The following FBLN1 variants were observed in gnomAD, a reference collection of about 807,000 sequenced individuals.
FBLN1 encodes the protein fibulin 1.
In FBLN1, 34 loss-of-function variants were observed where a neutral mutation model predicts 89.7. The observed-to-expected ratio is 0.38, with a 90% CI of 0.29 to 0.50. The LOEUF (loss-of-function observed/expected upper bound fraction) is 0.50. Among genes scored for constraint, FBLN1 ranks in the 20% least tolerant of loss-of-function variants. The probability of loss-of-function intolerance (pLI) is 0.92; values close to 1 mark genes in which losing one functional copy is unlikely to be tolerated. For synonymous variants in FBLN1, 393 were observed against 391.3 expected (o/e 1.00, Z -0.05); for missense variants, 777 against 988.1 (o/e 0.79, Z 2.86).
chr22:45,524,347 C>T (rs192480161), intron 2 of FBLN1, among the ~76,000 whole-genome samples: 2 of 152,376 alleles, frequency 1.3e-5, no homozygotes, highest in Admixed American at 1.3e-4. Flanking sequence ...ACACACTCCT[C>T]TCCTGCTCAT....
In FBLN1 at chr22:45,574,081, C is replaced by T. The variant is rs1569262206; in HGVS notation, c.1698-430C>T. Among the ~76,000 whole-genome samples, 1 of 152,178 alleles carries T rather than the reference C, an allele frequency of 6.6e-6. No individual in the cohort carries two copies. Among genetic ancestry groups the T allele is most frequent in the African/African-American group, 2.4e-5 (1 of 41,432 alleles). On this transcript the variant is annotated intron_variant, in intron 14 of 16. Coordinates refer to ENST00000327858, the MANE Select transcript of FBLN1 (RefSeq NM_006486.3). The surrounding 1 kb of genome is among the most constrained non-coding windows in gnomAD (Gnocchi z 4.1). ...CTCCTTCGTTTATTACCCTGCTGCCCAGCCTCACTGTGGGCTCTGAGAAGG... is the reference window on the plus strand; with the variant it reads ...CTCCTTCGTTTATTACCCTGCTGCCTAGCCTCACTGTGGGCTCTGAGAAGG...
rs1260233196 is a variant in FBLN1, at chr22:45,550,124, C to G, written c.1574-368C>G. On this transcript the variant is annotated intron_variant, in intron 13 of 16. Coordinates refer to ENST00000327858, the MANE Select transcript of FBLN1 (RefSeq NM_006486.3). The surrounding 1 kb of genome is among the most constrained non-coding windows in gnomAD (Gnocchi z 8.4). ...AAAATGTGTGACCTCAGGCAGGTCT[C>G]TTAAGCTCTGTGAGCTCCTCATAAA... 6.6e-6 allele frequency among the ~76,000 whole-genome samples: 1 copy of G among 152,158 alleles called. No individual in the cohort carries two copies. Among genetic ancestry groups the G allele is most frequent in the African/African-American group, 2.4e-5 (1 of 41,438 alleles).
chr22:45,513,284 G>A (rs1461786586), intron 1 of FBLN1, among the ~76,000 whole-genome samples: 1 of 150,462 alleles, frequency 6.6e-6, no homozygotes, highest in Non-Finnish European at 1.5e-5. Context: ...GCATCACATG[G>A]GATTTGCCAT....
intron 2 of FBLN1, among the ~76,000 whole-genome samples, chr22:45,522,614 T>C (rs901986488): frequency 3.3e-5 from 5 of 152,288 alleles, no homozygotes; most frequent in Non-Finnish European, 5.9e-5. Context: ...CAAGGACGTG[T>C]TTGGGGTGGT....
intron 1 of FBLN1, among the ~76,000 whole-genome samples, chr22:45,505,421 T>C (rs555250628): frequency 6.6e-6 from 1 of 152,306 alleles, no homozygotes; most frequent in African/African-American, 2.4e-5. Context: ...AAGATGAGAC[T>C]CTGTGCCATG....
At chr22:45,541,507 C>T in intron 9 of FBLN1, 135 bp downstream of exon 9, 1 of 1,111,148 alleles carries the variant, frequency 9.0e-7, no homozygotes, top group African/African-American at 1.5e-5. Context: ...ACTGTCAGTT[C>T]CCAAGCATGG....
At position 45,585,404 on chromosome 22, in the gene FBLN1, G is replaced by A. The variant is rs79492547; in HGVS notation, c.1972+8296G>A. ...TTACCTCTTAAGGGGTTAAATGTGC[G>A]CCGCTGACCGCGTCCTGCAGCCCAT... On this transcript the variant is annotated intron_variant, in intron 16 of 16. Transcript: ENST00000327858. Among the ~76,000 whole-genome samples the A allele has an allele frequency of 4.5e-3, 691 of 152,314 alleles. 2 individuals carry two copies. The highest frequency in any genetic ancestry group is 0.016 in the African/African-American group (668 of 41,566).
intron 14 of FBLN1, among the ~76,000 whole-genome samples, chr22:45,569,352 G>A (rs1453280637): frequency 6.6e-6 from 1 of 152,168 alleles, no homozygotes; most frequent in African/African-American, 2.4e-5. Flanking sequence ...TATAAGAAGG[G>A]ATTAGGGACC....
chr22:45,573,103 G>A (rs1013307822), intron 14 of FBLN1, among the ~76,000 whole-genome samples: 1 of 152,118 alleles, frequency 6.6e-6, no homozygotes, highest in African/African-American at 2.4e-5. Context: ...GTGCATGCCT[G>A]TAATCCCAGC....
chr22:45,542,341 A>T, intron 10 of FBLN1, 58 bp downstream of exon 10: 1 of 1,608,126 alleles, frequency 6.2e-7, no homozygotes, highest in Middle Eastern at 1.8e-4. Flanking sequence ...CCAGGGACAC[A>T]TTTCTGTGGC....
rs577846591 is a variant in FBLN1, at chr22:45,518,187, C to T, written c.80-495C>T. Among the ~76,000 whole-genome samples, 6 of 151,514 alleles carry T rather than the reference C, an allele frequency of 4.0e-5. No homozygotes were observed. In the South Asian group the frequency reaches 6.3e-4, roughly 16 times the overall value. On this transcript the variant is annotated intron_variant, in intron 1 of 16. Transcript: ENST00000327858. ...TTTTTCCTTCTTACTTGACTCAGCT[C>T]GTTGCATTTTGAACCCCCTCCCTGT...
rs1408996194 is a variant in FBLN1, at chr22:45,590,605, G to A, written c.1973-9702G>A. Among the ~76,000 whole-genome samples, 1 of 152,220 alleles carries A rather than the reference G, an allele frequency of 6.6e-6. No individual in the cohort carries two copies. Among genetic ancestry groups the A allele is most frequent in the East Asian group, 1.9e-4 (1 of 5,188 alleles). ...GAGGCATGGGAGGGGTGAAAAGGAAGGTGGTACACGTGTTCAGGTAGATGC... is the reference window on the plus strand; with the variant it reads ...GAGGCATGGGAGGGGTGAAAAGGAAAGTGGTACACGTGTTCAGGTAGATGC... On this transcript the variant is annotated intron_variant, in intron 16 of 16. Transcript: ENST00000327858. The surrounding 1 kb of genome is among the most constrained non-coding windows in gnomAD (Gnocchi z 4.1).
chr22:45,599,405 C>T (rs2089212254), intron 16 of FBLN1, among the ~76,000 whole-genome samples: 1 of 152,212 alleles, frequency 6.6e-6, no homozygotes, highest in South Asian at 2.1e-4. Context: ...GAGGCATGCA[C>T]AGCAAGGGGT....
intron 1 of FBLN1, among the ~76,000 whole-genome samples, chr22:45,508,411 G>A (rs1460748829): frequency 2.0e-5 from 3 of 151,728 alleles, no homozygotes; most frequent in Admixed American, 1.3e-4. Flanking sequence ...ACAGGTGCCC[G>A]CCACCACGCC....
In FBLN1 at chr22:45,532,937, A is replaced by C. The variant is rs1054561952; in HGVS notation, c.545-126A>C. Reference sequence around the variant, plus strand: ...GTAGGGCAGCAGGTGGGCTCCAGCCAGGTCAGCCTGCCTTCCTGGGTTCGT... The same window carrying C: ...GTAGGGCAGCAGGTGGGCTCCAGCCCGGTCAGCCTGCCTTCCTGGGTTCGT... On this transcript the variant is annotated intron_variant, in intron 5 of 16. Transcript: ENST00000327858. The surrounding 1 kb of genome is among the most constrained non-coding windows in gnomAD (Gnocchi z 4.2). 27 of 819,328 alleles carry C rather than the reference A, an allele frequency of 3.3e-5. No individual in the cohort carries two copies. The highest frequency in any genetic ancestry group is 5.0e-5 in the Non-Finnish European group (25 of 496,170). The allele number at this position is 819,328 out of a possible 1,614,324, so 50.8% of individuals were successfully genotyped here.
chr22:45,553,795 C>T (rs1208736864), intron 14 of FBLN1, among the ~76,000 whole-genome samples: 2 of 152,018 alleles, frequency 1.3e-5, no homozygotes, highest in Non-Finnish European at 2.9e-5. Context: ...GTGATGACGG[C>T]GGGAGCTGCA....
In FBLN1 at chr22:45,596,521, T is replaced by C. The variant is rs896546712; in HGVS notation, c.1973-3786T>C. 3.3e-5 allele frequency among the ~76,000 whole-genome samples: 5 copies of C among 151,626 alleles called. No individual in the cohort carries two copies. The East Asian group carries it at 9.6e-4, about 29-fold the overall frequency. ...TGCACCAGGAGTGTGTATTTAAATATAGACATTTAAGATAAATATATAAAT... is the reference window on the plus strand; with the variant it reads ...TGCACCAGGAGTGTGTATTTAAATACAGACATTTAAGATAAATATATAAAT... On this transcript the variant is annotated intron_variant, in intron 16 of 16. Transcript: ENST00000327858.
rs184284797 is a variant in FBLN1 at position 45,530,164 on chromosome 22, C to T, written c.485-1101C>T. Reference sequence around the variant, plus strand: ...TACAGTCATCAAGAGGGATTGGGGCCGCATTCTGCCTCATTCCTTGGCTTT... The same window carrying T: ...TACAGTCATCAAGAGGGATTGGGGCTGCATTCTGCCTCATTCCTTGGCTTT... On this transcript the variant is annotated intron_variant, in intron 4 of 16. Coordinates refer to ENST00000327858, the MANE Select transcript of FBLN1 (RefSeq NM_006486.3). This position sits in a 1 kb window ranked among gnomAD's most constrained non-coding sequence, Gnocchi z 5.4. Among the ~76,000 whole-genome samples the T allele has an allele frequency of 4.8e-4, 73 of 152,052 alleles. No homozygotes were observed. The highest frequency in any genetic ancestry group is 1.6e-3 in the African/African-American group (67 of 41,464).
intron 1 of FBLN1, among the ~76,000 whole-genome samples, chr22:45,512,986 T>A (rs2088121473): frequency 6.6e-6 from 1 of 152,220 alleles, no homozygotes; most frequent in Non-Finnish European, 1.5e-5. Context: ...AAAGTTGCAA[T>A]CTATTTTTTA....
Sources: gnomAD v4.1 joint callset for allele counts (sites outside exome capture counted in the v4.1 genomes callset) on GRCh38, gnomAD v4.1.1 for gene constraint, Gnocchi (gnomAD v3.1) non-coding constraint, MANE v1.5 for transcripts, NCBI Gene and HGNC (gene_info 2026-07-23, HGNC 2026-07-21) for gene names.